SGO2: variants seen among roughly 807,000 people sequenced by gnomAD.
SGO2 encodes shugoshin 2.
Under a neutral mutation model 99.5 loss-of-function variants are expected in SGO2, and 68 were observed. The observed-to-expected ratio is 0.68, with a 90% confidence interval of 0.56 to 0.84. SGO2 has a LOEUF of 0.84. Among genes scored for constraint, SGO2 ranks in the 40% least tolerant of loss-of-function variants. The probability of loss-of-function intolerance (pLI) is 0.00; values close to 1 mark genes in which losing one functional copy is unlikely to be tolerated. For missense variants in SGO2, 1,350 were observed against 1,436.7 expected (o/e 0.94, Z 0.97); for synonymous variants, 457 against 487.1 (o/e 0.94, Z 0.81).
At position 200,570,167 on chromosome 2, in the gene SGO2, G is replaced by T; in HGVS notation, c.703+275G>T. 2.5e-6 allele frequency: 1 copy of T among 396,208 alleles called. No homozygotes were observed. The highest frequency in any genetic ancestry group is 4.4e-6 in the Non-Finnish European group (1 of 224,778). The allele number at this position is 396,208 out of a possible 1,614,324, so 24.5% of individuals were successfully genotyped here. A position where few individuals can be genotyped will look rare whatever the true frequency, so the allele number is the denominator to read the frequency against. ...AGCTTTTCTCAATATCTTAGCTTAT[G>T]ATTTGAAAGATACCATATATTTACT... On this transcript the variant is annotated intron_variant, in intron 6 of 8. Transcript: ENST00000357799. This position sits in a 1 kb window ranked among gnomAD's most constrained non-coding sequence, Gnocchi z 4.4.
intron 5 of SGO2, among the ~76,000 whole-genome samples, chr2:200,552,506 A>G (rs1394826629): frequency 6.6e-6 from 1 of 152,160 alleles, no homozygotes; most frequent in Non-Finnish European, 1.5e-5. Flanking sequence ...CCTTGATCAT[A>G]TGCGAAACAA....
chr2:200,566,605 C>T (rs1003317033), intron 5 of SGO2, among the ~76,000 whole-genome samples: 2 of 152,186 alleles, frequency 1.3e-5, no homozygotes, highest in African/African-American at 2.4e-5. Context: ...AGCTGTCAGA[C>T]AGGGACGTTT....
At chr2:200,551,355 A>G (rs989697783) in intron 5 of SGO2, among the ~76,000 whole-genome samples, 1 of 152,166 alleles carries the variant, frequency 6.6e-6, no homozygotes, top group African/African-American at 2.4e-5. Context: ...CATTATGTTA[A>G]GTGAAATAAA....
chr2:200,542,857 C>A, intron 5 of SGO2, 193 bp downstream of exon 5: 1 of 404,566 alleles, frequency 2.5e-6, no homozygotes, highest in Non-Finnish European at 4.5e-6. Flanking sequence ...GTCAATCCCC[C>A]AACCAGGTTT....
At chr2:200,558,453 A>G (rs2032808998) in intron 5 of SGO2, among the ~76,000 whole-genome samples, 1 of 151,982 alleles carries the variant, frequency 6.6e-6, no homozygotes, top group African/African-American at 2.4e-5. Context: ...CATATAATGA[A>G]TTATAAGGAT....
At chr2:200,552,143 C>T (rs1462583152) in intron 5 of SGO2, among the ~76,000 whole-genome samples, 1 of 152,072 alleles carries the variant, frequency 6.6e-6, no homozygotes, top group Admixed American at 6.6e-5. Flanking sequence ...TATATATTCT[C>T]TCCATGTTTT....
chr2:200,583,027 C>G (rs2033890873), intron 8 of SGO2, among the ~76,000 whole-genome samples: 1 of 151,994 alleles, frequency 6.6e-6, no homozygotes, highest in Admixed American at 6.6e-5. Flanking sequence ...ATAGTGGTCC[C>G]TTTTTGGGGG....
Position 200,572,265 on chromosome 2 carries a change from G to A in SGO2, c.1919G>A (p.Gly640Asp). The change falls in exon 7 of 9, where the codon GGC (glycine) becomes GAC (aspartate). Residue 640 changes from glycine to aspartate, a missense_variant. Coordinates refer to ENST00000357799, the MANE Select transcript of SGO2 (RefSeq NM_152524.6). ...YEDNDKDVVH[G>D]LKKGNFFFKT... Reference sequence around the variant, plus strand: ...GATAATGATAAAGATGTGGTGCATGGCCTAAAAAAAGGTAATTTTTTTTTC... The same window carrying A: ...GATAATGATAAAGATGTGGTGCATGACCTAAAAAAAGGTAATTTTTTTTTC... 3.7e-6 allele frequency: 6 copies of A among 1,610,838 alleles called. No homozygotes were observed. Among genetic ancestry groups the A allele is most frequent in the Non-Finnish European group, 5.1e-6 (6 of 1,179,060 alleles).
chr2:200,547,369 T>C (rs993487721), intron 5 of SGO2, among the ~76,000 whole-genome samples: 4 of 152,190 alleles, frequency 2.6e-5, no homozygotes, highest in Non-Finnish European at 5.9e-5. Flanking sequence ...AGGACCATCT[T>C]GTGAGAAATG....
chr2:200,555,114 A>G (rs1559207724), intron 5 of SGO2, among the ~76,000 whole-genome samples: 1 of 152,190 alleles, frequency 6.6e-6, no homozygotes, highest in African/African-American at 2.4e-5. Flanking sequence ...AACCCTCTCA[A>G]CAAGGCAAAA....
At chr2:200,540,166 T>G (rs1348834562) in intron 4 of SGO2, among the ~76,000 whole-genome samples, 7 of 152,246 alleles carry the variant, frequency 4.6e-5, no homozygotes, top group Non-Finnish European at 1.0e-4. Context: ...TTTTAAAATC[T>G]TTGTCAGATA....
rs2033412202 is a variant in SGO2 at position 200,571,321 on chromosome 2, T to G, written c.975T>G (p.Asn325Lys). The G allele has an allele frequency of 6.2e-7, 1 of 1,612,886 alleles. No individual in the cohort carries two copies. The highest frequency in any genetic ancestry group is 8.5e-7 in the Non-Finnish European group (1 of 1,179,144). The change falls in exon 7 of 9, where the codon AAT becomes AAG. Residue 325 changes from asparagine to lysine, a missense_variant. Coordinates refer to ENST00000357799, the MANE Select transcript of SGO2 (RefSeq NM_152524.6). ...AAACAAATACTGAAATGCAAAGAAATAAACAGGATCTTCCTGGCTTATCTT... is the reference window on the plus strand; with the variant it reads ...AAACAAATACTGAAATGCAAAGAAAGAAACAGGATCTTCCTGGCTTATCTT... ...TNETNTEMQR[N>K]KQDLPGLSSE... is the part of the protein sequence containing the mutation.
chr2:200,578,949 A>G (rs1288071168), intron 8 of SGO2, among the ~76,000 whole-genome samples: 4 of 152,142 alleles, frequency 2.6e-5, no homozygotes, highest in South Asian at 2.1e-4. Context: ...GGGGCTAGGT[A>G]TTTCTCTTTT....
At chr2:200,569,285 A>T (rs1255817692) in intron 5 of SGO2, among the ~76,000 whole-genome samples, 1 of 152,144 alleles carries the variant, frequency 6.6e-6, no homozygotes, top group Non-Finnish European at 1.5e-5. Context: ...GCTAGAAACC[A>T]AAGGAAGATT....
chr2:200,536,061 G>A lies in SGO2; in HGVS notation c.310-4G>A, dbSNP rs28603146. 3.8e-4 allele frequency: 589 copies of A among 1,539,622 alleles called. 2 individuals are homozygous for A. In the African/African-American group the frequency reaches 7.2e-3, roughly 19 times the overall value. On this transcript the variant is annotated splice_region_variant and splice_polypyrimidine_tract_variant and intron_variant, in intron 3 of 8. Coordinates refer to ENST00000357799, the MANE Select transcript of SGO2 (RefSeq NM_152524.6). ...TAAAAGGGGTCTTTATTTTACATGTGCAGAATAAGAAGCTTATAGACATAG... is the reference window on the plus strand; with the variant it reads ...TAAAAGGGGTCTTTATTTTACATGTACAGAATAAGAAGCTTATAGACATAG...
chr2:200,569,964 A>G, intron 6 of SGO2, 72 bp downstream of exon 6: 1 of 981,346 alleles, frequency 1.0e-6, no homozygotes, highest in Non-Finnish European at 1.6e-6. Flanking sequence ...TCCTGAGGGC[A>G]ATTATGTATA....
At chr2:200,579,245 CTG>C (rs1368127381) in intron 8 of SGO2, among the ~76,000 whole-genome samples, 1 of 152,126 alleles carries the variant, frequency 6.6e-6, no homozygotes. Flanking sequence ...TTTCTGAACT[CTG>C]TTATTCTCTT....
intron 5 of SGO2, among the ~76,000 whole-genome samples, chr2:200,550,991 C>CAAA (rs55848114): frequency 2.2e-5 from 3 of 139,016 alleles, no homozygotes; most frequent in Non-Finnish European, 4.7e-5. Context: ...AACTAAGTAG[C>CAAA]AAAAAAAAAA....
intron 5 of SGO2, among the ~76,000 whole-genome samples, chr2:200,546,738 A>G (rs1453341100): frequency 1.3e-5 from 2 of 152,168 alleles, no homozygotes; most frequent in Non-Finnish European, 2.9e-5. Context: ...CTGAGCTATA[A>G]AACTCTTTAG....
Sources: gnomAD v4.1 joint callset for allele counts (sites outside exome capture counted in the v4.1 genomes callset) on GRCh38, gnomAD v4.1.1 for gene constraint, Gnocchi (gnomAD v3.1) non-coding constraint, MANE v1.5 for transcripts, NCBI Gene and HGNC (gene_info 2026-07-23, HGNC 2026-07-21) for gene names.